Variants in GPR65 observed in about 807,000 individuals in gnomAD.
GPR65 encodes the protein T-cell death-associated gene 8 protein.
A neutral mutation model predicts 0.7 loss-of-function variants in GPR65; 2 were observed. That is an observed-to-expected ratio of 2.83 (90% CI 1.16 to 8.92). The LOEUF is 8.92. Among genes scored for constraint, GPR65 ranks in the 30% most tolerant of loss-of-function variants. GPR65 has a pLI of 0.04. For missense variants in GPR65, 379 were observed against 399.4 expected, an observed-to-expected ratio of 0.95 and a Z score of 0.43; for synonymous variants, 128 against 146.5, an observed-to-expected ratio of 0.87 and a Z score of 0.91.
At chr14:88,010,114 T>G (rs977854943) in intron 1 of GPR65, among the ~76,000 whole-genome samples, 1 of 152,240 alleles carries the variant, frequency 6.6e-6, no homozygotes, top group African/African-American at 2.4e-5. Flanking sequence ...AAATTGAGTT[T>G]TGTGTTCTTG....
At chr14:88,010,071 A>T (rs918162076) in intron 1 of GPR65, among the ~76,000 whole-genome samples, 47 of 152,156 alleles carry the variant, frequency 3.1e-4, no homozygotes, top group Non-Finnish European at 6.2e-4. Flanking sequence ...AAATAACAGA[A>T]TTTTTTATCT....
At position 88,011,259 on chromosome 14, in the gene GPR65, A is replaced by G. The variant is rs891012357; in HGVS notation, c.412A>G (p.Ile138Val). The G allele has an allele frequency of 1.2e-6, 2 of 1,613,986 alleles. No individual in the cohort carries two copies. Among genetic ancestry groups the G allele is most frequent in the Non-Finnish European group, 1.7e-6 (2 of 1,179,950 alleles). ...ATTTGCACTCATGGTCAGCCTGTCC[A>G]TCTGGATATTGGAAACCATCTTCAA... ...RRFALMVSLS[I>V]WILETIFNAV... Residue 138 changes from isoleucine to valine, a missense_variant, in exon 2 of 2, where the codon ATC becomes GTC. Ile to Val is a conservative substitution (Grantham distance 29). Coordinates refer to ENST00000267549, the MANE Select transcript of GPR65 (RefSeq NM_003608.4).
At chr14:88,008,820 A>G (rs559003642) in intron 1 of GPR65, among the ~76,000 whole-genome samples, 3 of 152,054 alleles carry the variant, frequency 2.0e-5, no homozygotes, top group African/African-American at 7.2e-5. Flanking sequence ...GTGGTATATC[A>G]TTTTAATTTT....
chr14:88,013,925 G>A lies in GPR65; in HGVS notation c.*2064G>A, dbSNP rs1447589259. On this transcript the variant is annotated 3_prime_UTR_variant, in exon 2 of 2. Coordinates refer to ENST00000267549, the MANE Select transcript of GPR65 (RefSeq NM_003608.4). ...AAAGCCATGCAGGAGTTTTGTTTGTGGCCACTAGGTGACGATCGTGTTCTG... is the reference window on the plus strand; with the variant it reads ...AAAGCCATGCAGGAGTTTTGTTTGTAGCCACTAGGTGACGATCGTGTTCTG... 3 of 152,316 alleles carry A rather than the reference G, an allele frequency of 2.0e-5. No homozygotes were observed. The highest frequency in any genetic ancestry group is 3.9e-4 in the East Asian group (2 of 5,172). 9.4% of individuals were successfully genotyped at this position (152,316 alleles called of 1,614,324 possible).
Position 88,011,633 on chromosome 14 carries a change from C to A in GPR65, c.786C>A (p.Ser262Arg). ...LEHAVNFEDH[S>R]NSGKRTYTMY... ...ATGCTGTGAACTTCGAAGACCACAG[C>A]AATTCTGGGAAGCGAACTTACACAA... Residue 262 changes from serine (S) to arginine (R), a missense_variant, in exon 2 of 2, where the codon AGC becomes AGA. Transcript: ENST00000267549. The A allele has an allele frequency of 1.9e-6, 3 of 1,613,860 alleles. No individual in the cohort carries two copies. The highest frequency in any genetic ancestry group is 1.3e-5 in the African/African-American group (1 of 75,020).
rs1887704237 is a variant in GPR65, at chr14:88,012,698, T to C, written c.*837T>C. 6.6e-6 allele frequency: 1 copy of C among 152,250 alleles called. No homozygotes were observed. The highest frequency in any genetic ancestry group is 1.9e-4 in the East Asian group (1 of 5,206). 9.4% of individuals were successfully genotyped at this position (152,250 alleles called of 1,614,324 possible). The stretch of plus-strand genomic sequence containing the variant: ...TTCTTTTTATGGCCTGATAGTATTC[T>C]GTTGCATGGTTATACTCCATTTTGT... On this transcript the variant is annotated 3_prime_UTR_variant, in exon 2 of 2. Coordinates refer to ENST00000267549, the MANE Select transcript of GPR65 (RefSeq NM_003608.4).
Position 88,013,104 on chromosome 14 carries a change from T to A in GPR65, c.*1243T>A, listed in dbSNP as rs1887714108. The A allele has an allele frequency of 6.7e-6, 1 of 149,774 alleles. No homozygotes were observed. The highest frequency in any genetic ancestry group is 6.8e-5 in the Admixed American group (1 of 14,770). The allele number at this position is 149,774 out of a possible 1,614,324, so 9.3% of individuals were successfully genotyped here. A position where few individuals can be genotyped will look rare whatever the true frequency, so the allele number is the denominator to read the frequency against. On this transcript the variant is annotated 3_prime_UTR_variant, in exon 2 of 2. Coordinates refer to ENST00000267549, the MANE Select transcript of GPR65 (RefSeq NM_003608.4). ...CTCTGTAATCCAGGCTAGAGTGTAGTGGTGCGATCTCCACTCACTGCAGCC... is the reference window on the plus strand; with the variant it reads ...CTCTGTAATCCAGGCTAGAGTGTAGAGGTGCGATCTCCACTCACTGCAGCC...
At position 88,008,029 on chromosome 14, in the gene GPR65, G is replaced by A. The variant is rs72629386; in HGVS notation, c.-459-2360G>A. On this transcript the variant is annotated intron_variant, in intron 1 of 1. Transcript: ENST00000267549. ...TTGTTTTCTCTCAATTACATTTTAT[G>A]TATGAGGATAGAAATAAGATCAGAT... Among the ~76,000 whole-genome samples the A allele has an allele frequency of 8.6e-3, 1,307 of 152,138 alleles. 55 individuals are homozygous for A. The East Asian group carries it at 0.12, about 14-fold the overall frequency.
At chr14:88,005,638 G>A (rs377205608) in intron 1 of GPR65, among the ~76,000 whole-genome samples, 4 of 152,196 alleles carry the variant, frequency 2.6e-5, no homozygotes, top group African/African-American at 7.2e-5. Context: ...TATTAGGAAA[G>A]AATATTTCCA....
At position 88,011,379 on chromosome 14, in the gene GPR65, A is replaced by G; in HGVS notation, c.532A>G (p.Lys178Glu). The G allele has an allele frequency of 6.2e-7, 1 of 1,614,086 alleles. No individual in the cohort carries two copies. Among genetic ancestry groups the G allele is most frequent in the Non-Finnish European group, 8.5e-7 (1 of 1,179,976 alleles). ...ATGCTATGACAAATACCCTTTAGAG[A>G]AATGGCAAATCAACCTCAACTTGTT... ...TLCYDKYPLE[K>E]WQINLNLFRT... is the part of the protein sequence containing the mutation. Residue 178 changes from lysine to glutamate, a missense_variant, in exon 2 of 2, where the codon AAA becomes GAA. Coordinates refer to ENST00000267549, the MANE Select transcript of GPR65 (RefSeq NM_003608.4).
At chr14:88,009,667 C>T (rs1027887501) in intron 1 of GPR65, among the ~76,000 whole-genome samples, 1 of 152,136 alleles carries the variant, frequency 6.6e-6, no homozygotes, top group Non-Finnish European at 1.5e-5. Flanking sequence ...AACCTTTACT[C>T]TTATGTGAAT....
Position 88,011,555 on chromosome 14 carries a change from C to G in GPR65, c.708C>G (p.Val236=), listed in dbSNP as rs1887682110. 6.2e-7 allele frequency: 1 copy of G among 1,613,830 alleles called. No homozygotes were observed. Among genetic ancestry groups the G allele is most frequent in the African/African-American group, 1.3e-5 (1 of 74,924 alleles). ...TTGTCAGCATCACAGTTACTTTTGTCTTATGCTTTACTCCCTTTCATGTGA... is the reference window on the plus strand; with the variant it reads ...TTGTCAGCATCACAGTTACTTTTGTGTTATGCTTTACTCCCTTTCATGTGA... ...KLLVSITVTF[V]LCFTPFHVML... is the part of the protein sequence containing the mutation. Residue 236 remains valine, a synonymous_variant, in exon 2 of 2, where the codon GTC becomes GTG. Coordinates refer to ENST00000267549, the MANE Select transcript of GPR65 (RefSeq NM_003608.4).
intron 1 of GPR65, among the ~76,000 whole-genome samples, 176 bp downstream of exon 1, chr14:88,005,398 G>C (rs1887578936): frequency 6.6e-6 from 1 of 152,144 alleles, no homozygotes; most frequent in Non-Finnish European, 1.5e-5. Context: ...ACTTTGAGCA[G>C]TGGTAAAGGG....
In GPR65 at chr14:88,011,159, C is replaced by T. The variant is rs770118299; in HGVS notation, c.312C>T (p.Phe104=). The part of the protein sequence containing the change: ...MYMNFYSSTA[F]LTCIAVDRYL... Reference sequence around the variant, plus strand: ...TGAATTTTTACAGCAGCACAGCATTCCTCACCTGCATTGCCGTTGATCGGT... The same window carrying T: ...TGAATTTTTACAGCAGCACAGCATTTCTCACCTGCATTGCCGTTGATCGGT... The change falls in exon 2 of 2, where the codon TTC becomes TTT. Residue 104 remains phenylalanine (F), a synonymous_variant. Transcript: ENST00000267549. 6.2e-7 allele frequency: 1 copy of T among 1,613,562 alleles called. No homozygotes were observed. The highest frequency in any genetic ancestry group is 8.5e-7 in the Non-Finnish European group (1 of 1,179,616).
Position 88,011,181 on chromosome 14 carries a change from C to T in GPR65, c.334C>T (p.Arg112Trp), listed in dbSNP as rs761978597. The T allele has an allele frequency of 1.1e-5, 17 of 1,613,468 alleles. No individual in the cohort carries two copies. Among genetic ancestry groups the T allele is most frequent in the East Asian group, 4.5e-5 (2 of 44,890 alleles). ...TAFLTCIAVD[R>W]YLAVVYPLKF... is the part of the protein sequence containing the mutation. ...ATTCCTCACCTGCATTGCCGTTGAT[C>T]GGTATTTGGCTGTTGTCTACCCTTT... The change falls in exon 2 of 2, where the codon CGG becomes TGG. Residue 112 changes from arginine to tryptophan, a missense_variant. Transcript: ENST00000267549.
rs142533891 is a variant in GPR65 at position 88,011,022 on chromosome 14, T to G, written c.175T>G (p.Ser59Ala). The change falls in exon 2 of 2, where the codon TCA becomes GCA. Residue 59 changes from serine to alanine, a missense_variant. By Grantham distance (99) the Ser-to-Ala change is moderately conservative (BLOSUM62 1). Transcript: ENST00000267549. ...AATTTACCTCTTCAGTTTGTCACTA[T>G]CAGATTTACTCTATGCATTAACTCT... ...LGIYLFSLSL[S>A]DLLYALTLPL... 1.1e-5 allele frequency: 18 copies of G among 1,612,896 alleles called. No individual in the cohort carries two copies. In the African/African-American group the frequency reaches 2.1e-4, roughly 19 times the overall value.
rs781204922 is a variant in GPR65, at chr14:88,011,089, CT to C, written c.245del (p.Phe82SerfsTer15). Reference protein sequence around the residue: ...IDYTWNKDNWTFSPALCKGSA... With the variant: ...IDYTWNKDNWXFSPALCKGSA... ...TATACCTGGAATAAAGACAACTGGA[CT>C]TTCTCTCCTGCCTTGTGCAAAGGGA... On this transcript the variant is annotated frameshift_variant, in exon 2 of 2. Transcript: ENST00000267549. LOFTEE classifies it low-confidence loss of function (END_TRUNC). 1 of 1,613,868 alleles carries C rather than the reference CT, an allele frequency of 6.2e-7. No homozygotes were observed. The highest frequency in any genetic ancestry group is 1.1e-5 in the South Asian group (1 of 91,070).
Position 88,011,402 on chromosome 14 carries a change from G to T in GPR65, c.555G>T (p.Leu185Phe). Residue 185 changes from leucine (L) to phenylalanine (F), a missense_variant, in exon 2 of 2, where the codon TTG (leucine) becomes TTT (phenylalanine). By Grantham distance (22) the Leu-to-Phe change is conservative (BLOSUM62 0). Transcript: ENST00000267549. ...PLEKWQINLN[L>F]FRTCTGYAIP... ...AGAAATGGCAAATCAACCTCAACTT[G>T]TTCAGGACGTGTACAGGCTATGCAA... 6.2e-7 allele frequency: 1 copy of T among 1,614,050 alleles called. No homozygotes were observed. The highest frequency in any genetic ancestry group is 2.2e-5 in the East Asian group (1 of 44,880).
At chr14:88,009,712 C>G (rs1333763725) in intron 1 of GPR65, among the ~76,000 whole-genome samples, 1 of 152,146 alleles carries the variant, frequency 6.6e-6, no homozygotes, top group East Asian at 1.9e-4. Flanking sequence ...ACACTAACCT[C>G]TTAAACCATC....
Sources: allele counts gnomAD v4.1 joint callset (sites outside exome capture counted in the v4.1 genomes callset), GRCh38; gene constraint gnomAD v4.1.1; transcripts MANE v1.5; gene names NCBI Gene and HGNC (gene_info 2026-07-23, HGNC 2026-07-21).